The following SETD7 variants were observed in gnomAD, a reference collection of about 807,000 sequenced individuals.
SETD7 encodes histone-lysine N-methyltransferase SETD7.
A neutral mutation model predicts 41.8 loss-of-function variants in SETD7; 16 were observed. The ratio of observed to expected loss-of-function variants is 0.38; its 90% CI spans 0.26 to 0.58. The LOEUF (loss-of-function observed/expected upper bound fraction) is 0.58. SETD7 is among the 20% of genes least tolerant of loss of function. SETD7 has a pLI of 0.64. For missense variants in SETD7, 346 were observed against 459.7 expected (o/e 0.75, Z 2.26); for synonymous variants, 163 against 169.7 (o/e 0.96, Z 0.31).
downstream of SETD7, among the ~76,000 whole-genome samples, chr4:139,501,396 C>T (rs1726573436): frequency 8.2e-6 from 1 of 122,536 alleles, no homozygotes; most frequent in African/African-American, 3.1e-5. Context: ...TACACAGAGG[C>T]ATTCAGAGTG....
Position 139,556,183 on chromosome 4 carries a change from C to G in SETD7, c.-46G>C, listed in dbSNP as rs762989471. ...AGCTCGGGGCTGCGCGGCTGCCTCC[C>G]GTCCCTCTGGGTGCTCCCGGCGGCT... On this transcript the variant is annotated 5_prime_UTR_variant, in exon 1 of 8. Coordinates refer to ENST00000274031, the MANE Select transcript of SETD7 (RefSeq NM_030648.4). The G allele has an allele frequency of 1.2e-5, 19 of 1,569,436 alleles. No homozygotes were observed. The South Asian group carries it at 2.0e-4, about 17-fold the overall frequency.
At chr4:139,548,374 T>C (rs925101758) in intron 1 of SETD7, among the ~76,000 whole-genome samples, 3 of 152,214 alleles carry the variant, frequency 2.0e-5, no homozygotes, top group African/African-American at 7.2e-5. Context: ...CTCACGCCTA[T>C]AATCCCAGCA....
At chr4:139,546,101 C>T (rs558289997) in intron 2 of SETD7, among the ~76,000 whole-genome samples, 22 of 152,332 alleles carry the variant, frequency 1.4e-4, no homozygotes, top group African/African-American at 5.1e-4. Flanking sequence ...GCCTCTCCCT[C>T]TCAGTGTCCT....
chr4:139,525,135 C>T (rs988603846), intron 4 of SETD7, among the ~76,000 whole-genome samples: 5 of 152,108 alleles, frequency 3.3e-5, no homozygotes, highest in Admixed American at 3.3e-4. Flanking sequence ...TTATAAATAA[C>T]CAAAATTGTG....
intron 7 of SETD7, among the ~76,000 whole-genome samples, chr4:139,513,827 C>T (rs532035693): frequency 3.9e-5 from 6 of 152,312 alleles, no homozygotes; most frequent in African/African-American, 1.2e-4. Flanking sequence ...CAGTGCCTGG[C>T]ACAAAGTAGG....
chr4:139,555,882 G>A lies in SETD7; in HGVS notation c.40+216C>T, dbSNP rs534464184. On this transcript the variant is annotated intron_variant, in intron 1 of 7. Coordinates refer to ENST00000274031, the MANE Select transcript of SETD7 (RefSeq NM_030648.4). The surrounding 1 kb of genome is among the most constrained non-coding windows in gnomAD (Gnocchi z 4.0). ...GCGTTTCCAGCGCCCCCGGCCTGGCGGAGCCCCATTCTCGGCCTGCGCCCC... is the reference window on the plus strand; with the variant it reads ...GCGTTTCCAGCGCCCCCGGCCTGGCAGAGCCCCATTCTCGGCCTGCGCCCC... 3.3e-5 allele frequency among the ~76,000 whole-genome samples: 5 copies of A among 152,104 alleles called. No individual in the cohort carries two copies. Among genetic ancestry groups the A allele is most frequent in the South Asian group, 4.1e-4 (2 of 4,834 alleles).
intron 2 of SETD7, among the ~76,000 whole-genome samples, chr4:139,537,661 TC>T (rs979514295): frequency 1.7e-4 from 26 of 152,040 alleles, no homozygotes; most frequent in Non-Finnish European, 1.8e-4. Context: ...CATCCACGTA[TC>T]CCCCCAACAT....
intron 7 of SETD7, among the ~76,000 whole-genome samples, chr4:139,500,596 C>A (rs1349035187): frequency 6.6e-6 from 1 of 152,200 alleles, no homozygotes; most frequent in Admixed American, 6.5e-5. Context: ...GCAACCTCCG[C>A]CTCCCAGTTT....
downstream of SETD7, among the ~76,000 whole-genome samples, chr4:139,504,719 C>T (rs992099409): frequency 8.5e-5 from 13 of 152,144 alleles, no homozygotes; most frequent in African/African-American, 2.7e-4. Flanking sequence ...TGGTAACCAT[C>T]CCATTAGTAT....
intron 2 of SETD7, among the ~76,000 whole-genome samples, chr4:139,534,117 A>C (rs141275991): frequency 1.3e-5 from 2 of 152,270 alleles, no homozygotes; most frequent in East Asian, 3.9e-4. Context: ...ATACCAGAAG[A>C]AAGCTCACAG....
At position 139,511,958 on chromosome 4, in the gene SETD7, G is replaced by A. The variant is rs528087334; in HGVS notation, c.921-115C>T. On this transcript the variant is annotated intron_variant, in intron 7 of 7. Coordinates refer to ENST00000274031, the MANE Select transcript of SETD7 (RefSeq NM_030648.4). ...CAGGCACTCTTCCCTGGGCACACCTGGTATGTGCCCAAAGTGTGGTCACCC... is the reference window on the plus strand; with the variant it reads ...CAGGCACTCTTCCCTGGGCACACCTAGTATGTGCCCAAAGTGTGGTCACCC... 4.2e-5 allele frequency: 61 copies of A among 1,454,552 alleles called. No homozygotes were observed. The African/African-American group carries it at 6.8e-4, about 16-fold the overall frequency. The allele number at this position is 1,454,552 out of a possible 1,614,324, so 90.1% of individuals were successfully genotyped here. A position where few individuals can be genotyped will look rare whatever the true frequency, so the allele number is the denominator to read the frequency against.
chr4:139,551,128 T>C (rs1579227656), intron 1 of SETD7, among the ~76,000 whole-genome samples: 1 of 152,216 alleles, frequency 6.6e-6, no homozygotes, highest in African/African-American at 2.4e-5. Context: ...CAACAGCATG[T>C]CCCGGTTGCA....
At chr4:139,517,832 G>C in intron 7 of SETD7, 53 bp downstream of exon 7, 4 of 1,552,280 alleles carry the variant, frequency 2.6e-6, no homozygotes, top group Admixed American at 1.9e-5. Context: ...GCCCTCCTCC[G>C]TCTCAGGGCC....
chr4:139,532,870 T>C lies in SETD7; in HGVS notation c.372+295A>G, dbSNP rs184847800. 8.5e-4 allele frequency: 416 copies of C among 491,758 alleles called. 1 individual carries two copies. The highest frequency in any genetic ancestry group is 7.4e-3 in the African/African-American group (384 of 51,850). 30.5% of individuals were successfully genotyped at this position (491,758 alleles called of 1,614,324 possible). On this transcript the variant is annotated intron_variant, in intron 3 of 7. Coordinates refer to ENST00000274031, the MANE Select transcript of SETD7 (RefSeq NM_030648.4). Reference sequence around the variant, plus strand: ...TGCCAAAAGAATTAAAAGCAATATATTTTGCCTTTATTAGTGATACAATAA... The same window carrying C: ...TGCCAAAAGAATTAAAAGCAATATACTTTGCCTTTATTAGTGATACAATAA...
intron 1 of SETD7, among the ~76,000 whole-genome samples, chr4:139,549,512 A>ATTCCTTCCTTCC (rs144848460): frequency 0.087 from 13,064 of 149,846 alleles, 665 homozygotes; most frequent in African/African-American, 0.14. Context: ...ATGAAGAATT[A>ATTCCTTCCTTCC]TTCCTTCCTT....
rs537120208 is a variant in SETD7 at position 139,516,527 on chromosome 4, T to G, written c.920+1358A>C. Among the ~76,000 whole-genome samples, 9 of 150,784 alleles carry G rather than the reference T, an allele frequency of 6.0e-5. No homozygotes were observed. The South Asian group carries it at 1.7e-3, about 28-fold the overall frequency. ...TTTCTAGTCATTGGAGCCCAGAAGCTAATTTTGTAATGTCTATTTCATTTG... is the reference window on the plus strand; with the variant it reads ...TTTCTAGTCATTGGAGCCCAGAAGCGAATTTTGTAATGTCTATTTCATTTG... On this transcript the variant is annotated intron_variant, in intron 7 of 7. Coordinates refer to ENST00000274031, the MANE Select transcript of SETD7 (RefSeq NM_030648.4).
At chr4:139,496,244 A>G (rs532679617) in exon 8 of SETD7, 13 of 557,854 alleles carry the variant, frequency 2.3e-5, no homozygotes, top group Non-Finnish European at 4.1e-5. Context: ...CTCTTTTCAG[A>G]TCTTAAAATG....
At chr4:139,498,410 T>C (rs1043636367) in intron 7 of SETD7, among the ~76,000 whole-genome samples, 3 of 152,168 alleles carry the variant, frequency 2.0e-5, no homozygotes. Context: ...CTGAAGTTAT[T>C]CAAGCTAGCC....
chr4:139,554,485 T>A (rs570389993), intron 1 of SETD7, among the ~76,000 whole-genome samples: 1 of 152,338 alleles, frequency 6.6e-6, no homozygotes, highest in South Asian at 2.1e-4. Flanking sequence ...CCTAACAATC[T>A]GAGATCATTT....
Sources: gnomAD v4.1 joint callset for allele counts (sites outside exome capture counted in the v4.1 genomes callset) on GRCh38, gnomAD v4.1.1 for gene constraint, Gnocchi (gnomAD v3.1) non-coding constraint, MANE v1.5 for transcripts, NCBI Gene and HGNC (gene_info 2026-07-23, HGNC 2026-07-21) for gene names.